The following PLA2G4B variants were observed in gnomAD, a reference collection of about 807,000 sequenced individuals.
The protein encoded by PLA2G4B is phospholipase A2 group IVB, also known as cytosolic phospholipase A2 beta.
PLA2G4B carries 122 observed loss-of-function variants against 95.8 expected under a neutral mutation model. That is an observed-to-expected ratio of 1.27 (90% confidence interval 1.10 to 1.48). The LOEUF (loss-of-function observed/expected upper bound fraction) is 1.48. Among genes scored for constraint, PLA2G4B ranks in the 40% most tolerant of loss-of-function variants. The pLI is 0.00. For synonymous variants in PLA2G4B, 518 were observed against 421.5 expected (o/e 1.23, Z -2.80); for missense variants, 1,158 against 996.2 (o/e 1.16, Z -2.19).
At chr15:41,840,689 C>T (rs753602468) in intron 3 of PLA2G4B, 29 bp downstream of exon 3, 1 of 1,607,636 alleles carries the variant, frequency 6.2e-7, no homozygotes, top group African/African-American at 1.3e-5. Flanking sequence ...CTGACTCTAC[C>T]CACATCCTCG....
At position 41,847,941 on chromosome 15, in the gene PLA2G4B, C is replaced by A; in HGVS notation, c.*81C>A. 1.3e-6 allele frequency: 2 copies of A among 1,503,788 alleles called. No individual in the cohort carries two copies. Among genetic ancestry groups the A allele is most frequent in the South Asian group, 2.5e-5 (2 of 78,952 alleles). 93.2% of individuals were successfully genotyped at this position (1,503,788 alleles called of 1,614,324 possible). A position where few individuals can be genotyped will look rare whatever the true frequency, so the allele number is the denominator to read the frequency against. On this transcript the variant is annotated 3_prime_UTR_variant, in exon 20 of 20. Coordinates refer to ENST00000458483, the MANE Select transcript of PLA2G4B (RefSeq NM_001114633.2). ...AGGTGGGAACTGTCATCACGCAGTGCTTCAGAGCCTCGGGCTCAGGTGGCA... is the reference window on the plus strand; with the variant it reads ...AGGTGGGAACTGTCATCACGCAGTGATTCAGAGCCTCGGGCTCAGGTGGCA...
chr15:41,841,055 G>A lies in PLA2G4B; in HGVS notation c.352G>A (p.Gly118Ser), dbSNP rs994149354. 1 of 1,579,028 alleles carries A rather than the reference G, an allele frequency of 6.3e-7. No homozygotes were observed. The highest frequency in any genetic ancestry group is 1.7e-5 in the Admixed American group (1 of 57,562). Residue 118 changes from glycine (G) to serine (S), a missense_variant and splice_region_variant, in exon 5 of 20, where the codon GGT (glycine) becomes AGT (serine). Gly to Ser is a moderately conservative substitution (Grantham distance 56, BLOSUM62 0). Coordinates refer to ENST00000458483, the MANE Select transcript of PLA2G4B (RefSeq NM_001114633.2). ...RRESFSLSPQ[G>S]EGRLEVEFRL... is the part of the protein sequence containing the mutation. ...AACTTACTTCTGGCTCTCTTCCCAG[G>A]GTGAGGGGCGCCTGGAAGTTGAATT...
chr15:41,847,188 G>A, intron 18 of PLA2G4B, 149 bp from the exon 19 acceptor site: 1 of 1,168,730 alleles, frequency 8.6e-7, no homozygotes, highest in Non-Finnish European at 1.1e-6. Context: ...GTCAGGTGTG[G>A]AGAGTTTTTT....
rs999386748 is a variant in PLA2G4B at position 41,842,807 on chromosome 15, G to C, written c.743+216G>C. ...GTCAGAGGGGCGAGTGACCGGCCCA[G>C]TGCCAGGCACCCGGGGAGCACTTGA... On this transcript the variant is annotated intron_variant, in intron 10 of 19. Transcript: ENST00000458483. 15 of 624,710 alleles carry C rather than the reference G, an allele frequency of 2.4e-5. No homozygotes were observed. In the African/African-American group the frequency reaches 2.9e-4, roughly 12 times the overall value. 38.7% of individuals were successfully genotyped at this position (624,710 alleles called of 1,614,324 possible). A position where few individuals can be genotyped will look rare whatever the true frequency, so the allele number is the denominator to read the frequency against.
rs775782536 is a variant in PLA2G4B at position 41,841,108 on chromosome 15, C to A, written c.392+13C>A. Reference sequence around the variant, plus strand: ...GCCTGCAGAGTCTGTGAGTCAGGGGCCTGGGGCAGTTTGGGTGGGAGTGCC... The same window carrying A: ...GCCTGCAGAGTCTGTGAGTCAGGGGACTGGGGCAGTTTGGGTGGGAGTGCC... On this transcript the variant is annotated intron_variant, in intron 5 of 19. Transcript: ENST00000458483. 1.2e-6 allele frequency: 2 copies of A among 1,604,990 alleles called. No homozygotes were observed. Among genetic ancestry groups the A allele is most frequent in the Non-Finnish European group, 1.7e-6 (2 of 1,173,294 alleles).
chr15:41,842,465 G>A (rs537804231), intron 9 of PLA2G4B, 89 bp from the exon 10 acceptor site: 231 of 1,557,152 alleles, frequency 1.5e-4, no homozygotes, highest in Middle Eastern at 8.1e-4. Flanking sequence ...GTGGCGGGGC[G>A]GGGGTGGTGC....
rs1197669 is a variant in PLA2G4B at position 41,846,258 on chromosome 15, G to A, written c.1656G>A (p.Arg552=). Residue 552 remains arginine (R), a synonymous_variant, in exon 17 of 20, where the codon AGG becomes AGA. Transcript: ENST00000458483. ...AAGAACCACCCTCAACAGCCGGCAG[G>A]ATAGCTGAGTTTTTCACCGATCTTC... ...KIEEPPSTAG[R]IAEFFTDLLT... is the part of the protein sequence containing the mutation. 0.3 allele frequency: 479,751 copies of A among 1,613,808 alleles called. 74,269 individuals are homozygous for A. The highest frequency in any genetic ancestry group is 0.43 in the Middle Eastern group (2,619 of 6,062).
At chr15:41,842,168 G>A (rs1424878201) in intron 8 of PLA2G4B, 25 bp from the exon 9 acceptor site, 1 of 1,612,900 alleles carries the variant, frequency 6.2e-7, no homozygotes, top group Non-Finnish European at 8.5e-7. Context: ...AAGATTCTTA[G>A]GTCTGCATTC....
chr15:41,840,304 C>T (rs1454969155), intron 2 of PLA2G4B, 74 bp downstream of exon 2: 1 of 1,595,816 alleles, frequency 6.3e-7, no homozygotes, highest in South Asian at 1.1e-5. Context: ...GGTGCTGTGG[C>T]TGGATTTGGT....
chr15:41,844,471 A>C lies in PLA2G4B; in HGVS notation c.880A>C (p.Ile294Leu). The C allele has an allele frequency of 6.2e-7, 1 of 1,614,040 alleles. No individual in the cohort carries two copies. The highest frequency in any genetic ancestry group is 8.5e-7 in the Non-Finnish European group (1 of 1,180,000). ...QLDGDLQEDE[I>L]PVVAIMATGG... ...CAGGCCTGGCTCTCTTCTTTTCCAG[A>C]TCCCAGTGGTAGCTATTATGGCCAC... Residue 294 changes from isoleucine to leucine, a missense_variant and splice_region_variant, in exon 12 of 20, where the codon ATC becomes CTC. Physicochemically the swap from Ile to Leu is conservative, Grantham distance 5. Coordinates refer to ENST00000458483, the MANE Select transcript of PLA2G4B (RefSeq NM_001114633.2).
chr15:41,841,315 G>T, intron 6 of PLA2G4B, 42 bp downstream of exon 6: 1 of 1,611,548 alleles, frequency 6.2e-7, no homozygotes. Flanking sequence ...GGGGTCCCCG[G>T]GACTCCCTCA....
Position 41,847,271 on chromosome 15 carries a change from G to C in PLA2G4B, c.1948-66G>C. On this transcript the variant is annotated intron_variant, in intron 18 of 19. Coordinates refer to ENST00000458483, the MANE Select transcript of PLA2G4B (RefSeq NM_001114633.2). ...GAGCCCCAGGTCCTGTGCATCTTAC[G>C]TCAGCCCCAGTGTTGAGGATGCCAG... The C allele has an allele frequency of 4.6e-6, 7 of 1,521,652 alleles. No homozygotes were observed. In the South Asian group the frequency reaches 5.0e-5, roughly 11 times the overall value. The allele number at this position is 1,521,652 out of a possible 1,614,324, so 94.3% of individuals were successfully genotyped here.
chr15:41,845,571 G>A (rs867258325), intron 14 of PLA2G4B, 67 bp from the exon 15 acceptor site: 3 of 1,591,636 alleles, frequency 1.9e-6, no homozygotes, highest in Admixed American at 1.8e-5. Context: ...CAAAACCCTG[G>A]GTCGGGGTGG....
chr15:41,844,651 G>T, intron 12 of PLA2G4B, 44 bp downstream of exon 12: 3 of 1,612,774 alleles, frequency 1.9e-6, no homozygotes, highest in Non-Finnish European at 2.5e-6. Context: ...GTGGCAGGGG[G>T]TGCTGGTGCC....
intron 14 of PLA2G4B, 125 bp from the exon 15 acceptor site, chr15:41,845,513 A>C: frequency 6.7e-7 from 1 of 1,501,574 alleles, no homozygotes. Context: ...CTATGCACGA[A>C]GCCCAGGCCA....
chr15:41,844,703 G>C, intron 12 of PLA2G4B, 96 bp downstream of exon 12: 1 of 1,594,508 alleles, frequency 6.3e-7, no homozygotes, highest in Non-Finnish European at 8.5e-7. Flanking sequence ...AGGGCTGGGA[G>C]AATGAATGTG....
chr15:41,844,959 C>T lies in PLA2G4B; in HGVS notation c.1128C>T (p.Pro376=). The change falls in exon 13 of 20, where the codon CCC becomes CCT. Residue 376 remains proline (P), a synonymous_variant. Coordinates refer to ENST00000458483, the MANE Select transcript of PLA2G4B (RefSeq NM_001114633.2). ...VTKNKLGVLA[P]SQLQRYRQEL... ...AGAACAAGCTGGGTGTGCTGGCCCC[C>T]AGCCAGCTGCAGCGGTACCGGCAGG... The T allele has an allele frequency of 1.2e-6, 2 of 1,611,442 alleles. No homozygotes were observed. Among genetic ancestry groups the T allele is most frequent in the Non-Finnish European group, 1.7e-6 (2 of 1,179,040 alleles).
chr15:41,842,056 C>T (rs1437250934), intron 8 of PLA2G4B, 107 bp downstream of exon 8: 2 of 1,559,808 alleles, frequency 1.3e-6, no homozygotes, highest in East Asian at 4.5e-5. Context: ...GGCACCCTGG[C>T]AGCATGTGTG....
At chr15:41,845,413 C>T in intron 14 of PLA2G4B, 93 bp downstream of exon 14, 1 of 1,509,470 alleles carries the variant, frequency 6.6e-7, no homozygotes, top group South Asian at 1.2e-5. Flanking sequence ...GTCACACCCA[C>T]CTCTCCTGAG....
Sources: gnomAD v4.1 joint callset for allele counts on GRCh38, gnomAD v4.1.1 for gene constraint, MANE v1.5 for transcripts, NCBI Gene and HGNC (gene_info 2026-07-23, HGNC 2026-07-21) for gene names.